The following EDA variants were observed in gnomAD, a reference collection of about 807,000 sequenced individuals.
EDA encodes the protein ectodysplasin A, also known as ectodysplasin-A.
EDA carries 2 observed loss-of-function variants against 23.6 expected under a neutral mutation model. The observed-to-expected ratio is 0.08, with a 90% CI of 0.03 to 0.27. The LOEUF is 0.27. EDA is among the 10% of genes least tolerant of loss of function. EDA has a pLI of 1.00. For synonymous variants in EDA, 131 were observed against 132.0 expected, an observed-to-expected ratio of 0.99 and a Z score of 0.05; for missense variants, 229 against 324.2, an observed-to-expected ratio of 0.71 and a Z score of 2.26.
chrX:69,936,338 T>A (rs2018673752), intron 1 of EDA, among the ~76,000 whole-genome samples: 1 of 111,364 alleles, frequency 9.0e-6, no homozygotes, highest in African/African-American at 3.3e-5. Context: ...TCCTGGCAGA[T>A]ACTAAGTATT....
intron 2 of EDA, among the ~76,000 whole-genome samples, chrX:70,007,779 A>C (rs2019823242): frequency 9.0e-6 from 1 of 111,543 alleles, no homozygotes; most frequent in South Asian, 3.8e-4. Flanking sequence ...CCATTGATTT[A>C]GATCTTTATT....
At chrX:69,683,467 G>A (rs769823354) in intron 1 of EDA, among the ~76,000 whole-genome samples, 1 of 111,646 alleles carries the variant, frequency 9.0e-6, no homozygotes, top group South Asian at 3.8e-4. Flanking sequence ...TGAATGCCAT[G>A]TATTCCATGG....
chrX:69,938,548 AT>A (rs2018710258), intron 1 of EDA, among the ~76,000 whole-genome samples: 1 of 111,662 alleles, frequency 9.0e-6, no homozygotes, highest in South Asian at 3.7e-4. Flanking sequence ...ATTTTCTCCC[AT>A]TCTGTGGATT....
chrX:70,035,534 T>C lies in EDA; in HGVS notation c.1101T>C (p.Ala367=). The part of the protein sequence containing the change: ...RQKIAVKMVH[A]DISINMSKHT... ...AGATCGCCGTCAAGATGGTGCACGC[T>C]GACATCTCCATCAACATGAGCAAGC... Residue 367 remains alanine, a synonymous_variant, in exon 8 of 8, where the codon GCT becomes GCC. Coordinates refer to ENST00000374552, the MANE Select transcript of EDA (RefSeq NM_001399.5). 8.3e-7 allele frequency: 1 copy of C among 1,209,288 alleles called. No homozygotes were observed. The highest frequency in any genetic ancestry group is 1.1e-6 in the Non-Finnish European group (1 of 894,855).
At position 69,704,983 on chromosome X, in the gene EDA, G is replaced by A. The variant is rs561750231; in HGVS notation, c.396+88279G>A. 8.1e-5 allele frequency among the ~76,000 whole-genome samples: 9 copies of A among 110,640 alleles called. No individual in the cohort carries two copies. In the South Asian group the frequency reaches 3.5e-3, roughly 43 times the overall value. On this transcript the variant is annotated intron_variant, in intron 1 of 7. Coordinates refer to ENST00000374552, the MANE Select transcript of EDA (RefSeq NM_001399.5). The stretch of plus-strand genomic sequence containing the variant: ...CACCTGTAATCCCAGCACTTTGGGA[G>A]GCCGAGGTGGGCCATTCACCTGAGG...
intron 1 of EDA, among the ~76,000 whole-genome samples, chrX:69,653,677 C>G (rs1175377831): frequency 1.8e-5 from 2 of 111,084 alleles, no homozygotes; most frequent in East Asian, 2.8e-4. Context: ...TTTGACAAAC[C>G]TGACAAAAAC....
At chrX:69,769,780 T>C (rs1009156453) in intron 1 of EDA, among the ~76,000 whole-genome samples, 1 of 111,210 alleles carries the variant, frequency 9.0e-6, no homozygotes, top group Non-Finnish European at 1.9e-5. Flanking sequence ...TATATATCCA[T>C]ATTTTCATCT....
At chrX:69,955,531 C>T (rs933286989) in intron 1 of EDA, among the ~76,000 whole-genome samples, 2 of 111,149 alleles carry the variant, frequency 1.8e-5, no homozygotes, top group Non-Finnish European at 3.8e-5. Context: ...ATTTTTTTTC[C>T]ACTTAATCAG....
intron 1 of EDA, among the ~76,000 whole-genome samples, chrX:69,786,908 A>G (rs1447306439): frequency 9.4e-5 from 10 of 105,950 alleles, no homozygotes; most frequent in African/African-American, 2.7e-4. Context: ...GTCTCCCATT[A>G]TTAATGTGTG....
At chrX:69,887,473 G>A (rs1468424971) in intron 1 of EDA, among the ~76,000 whole-genome samples, 1 of 111,675 alleles carries the variant, frequency 9.0e-6, no homozygotes, top group African/African-American at 3.3e-5. Flanking sequence ...CCATCATACA[G>A]AAGAATTAGC....
intron 1 of EDA, among the ~76,000 whole-genome samples, chrX:69,781,227 G>A (rs370198994): frequency 9.0e-5 from 10 of 111,472 alleles, no homozygotes; most frequent in African/African-American, 2.9e-4. Flanking sequence ...TCGTGTGGAT[G>A]TATGTATTCA....
At chrX:70,004,760 G>C (rs766789959) in intron 2 of EDA, among the ~76,000 whole-genome samples, 5 of 111,708 alleles carry the variant, frequency 4.5e-5, no homozygotes, top group Non-Finnish European at 7.5e-5. Flanking sequence ...ACAATGTCCA[G>C]TTCTCTGGTA....
chrX:69,869,227 G>A (rs2147606481), intron 1 of EDA, among the ~76,000 whole-genome samples: 1 of 110,837 alleles, frequency 9.0e-6, no homozygotes, highest in Non-Finnish European at 1.9e-5. Context: ...AATGACCACA[G>A]GATGAGTCTG....
intron 1 of EDA, among the ~76,000 whole-genome samples, chrX:69,655,774 A>C (rs182861842): frequency 2.0e-4 from 17 of 86,000 alleles, no homozygotes; most frequent in African/African-American, 8.1e-4. Context: ...ATATATATAT[A>C]TATATATATA....
At chrX:69,854,146 T>C (rs1192092190) in intron 1 of EDA, among the ~76,000 whole-genome samples, 1 of 110,840 alleles carries the variant, frequency 9.0e-6, no homozygotes, top group East Asian at 2.8e-4. Flanking sequence ...TCCTTTCCCT[T>C]CTCCCACCCT....
intron 1 of EDA, among the ~76,000 whole-genome samples, chrX:69,807,904 AC>A (rs1248473569): frequency 1.8e-5 from 2 of 111,907 alleles, no homozygotes; most frequent in Non-Finnish European, 3.8e-5. Flanking sequence ...ACTGCCAGGG[AC>A]CTTGAATAAA....
intron 1 of EDA, among the ~76,000 whole-genome samples, chrX:69,917,728 A>G (rs974874468): frequency 9.0e-6 from 1 of 111,328 alleles, no homozygotes; most frequent in African/African-American, 3.3e-5. Flanking sequence ...CCAAATTTCT[A>G]TGGCACTTAG....
At chrX:69,939,841 T>A (rs1008310770) in intron 1 of EDA, among the ~76,000 whole-genome samples, 3 of 112,172 alleles carry the variant, frequency 2.7e-5, no homozygotes, top group African/African-American at 9.7e-5. Context: ...TCAATTGAAA[T>A]GATCATATCA....
intron 1 of EDA, among the ~76,000 whole-genome samples, chrX:69,919,340 A>G (rs1044087524): frequency 8.9e-6 from 1 of 112,480 alleles, no homozygotes; most frequent in East Asian, 2.8e-4. Flanking sequence ...CAAAGGAATA[A>G]CAGAATACAT....
Sources: gnomAD v4.1 joint callset for allele counts (sites outside exome capture counted in the v4.1 genomes callset) on GRCh38, gnomAD v4.1.1 for gene constraint, MANE v1.5 for transcripts, NCBI Gene and HGNC (gene_info 2026-07-23, HGNC 2026-07-21) for gene names.